Variants in PCDHGA1 observed in about 807,000 individuals in gnomAD.
PCDHGA1 encodes the protein protocadherin gamma subfamily A, 1.
A neutral mutation model predicts 58.0 loss-of-function variants in PCDHGA1; 32 were observed. The observed-to-expected ratio is 0.55, with a 90% CI of 0.42 to 0.74. The LOEUF is 0.74. Ranked by LOEUF, PCDHGA1 falls within the 30% of genes least tolerant of loss-of-function variation. The pLI, the probability that PCDHGA1 is intolerant of heterozygous loss-of-function variation, is 0.00. For synonymous variants in PCDHGA1, 498 were observed against 501.1 expected, an observed-to-expected ratio of 0.99 and a Z score of 0.08; for missense variants, 1,205 against 1,182.3, an observed-to-expected ratio of 1.02 and a Z score of -0.28.
At chr5:141,366,280 C>T (rs1764463733) in intron 1 of PCDHGA1, 1 of 1,613,692 alleles carries the variant, frequency 6.2e-7, no homozygotes, top group African/African-American at 1.3e-5. Context: ...AAGACCATGG[C>T]CAGCCCCCTC....
intron 1 of PCDHGA1, chr5:141,478,860 A>C: frequency 1.9e-5 from 25 of 1,331,544 alleles, no homozygotes; most frequent in Middle Eastern, 2.6e-4. Context: ...ACAAGATCTC[A>C]GCGATCAGAG....
intron 1 of PCDHGA1, among the ~76,000 whole-genome samples, chr5:141,358,954 AT>A (rs1761073251): frequency 6.6e-6 from 1 of 152,182 alleles, no homozygotes; most frequent in South Asian, 2.1e-4. Flanking sequence ...TTGTGCTTTC[AT>A]TTAGGTTCTG....
At chr5:141,478,423 C>A (rs1355847104) in intron 1 of PCDHGA1, 1 of 1,613,672 alleles carries the variant, frequency 6.2e-7, no homozygotes, top group Admixed American at 1.7e-5. Context: ...CCCGCCGCAG[C>A]GACCCGCTGC....
At position 141,431,398 on chromosome 5, in the gene PCDHGA1, G is replaced by A. The variant is rs1052461071; in HGVS notation, c.2422-63409G>A. ...AGGCTGCTCACCACCTGGTCCTTACGGCCTCCGACGGGGGCGACCCGGTGC... is the reference window on the plus strand; with the variant it reads ...AGGCTGCTCACCACCTGGTCCTTACAGCCTCCGACGGGGGCGACCCGGTGC... On this transcript the variant is annotated intron_variant, in intron 1 of 3. Coordinates refer to ENST00000517417, the MANE Select transcript of PCDHGA1 (RefSeq NM_018912.3). This position sits in a 1 kb window ranked among gnomAD's most constrained non-coding sequence, Gnocchi z 4.8. The A allele has an allele frequency of 6.8e-6, 11 of 1,613,768 alleles. No homozygotes were observed. Among genetic ancestry groups the A allele is most frequent in the Non-Finnish European group, 9.3e-6 (11 of 1,180,036 alleles).
At chr5:141,405,203 C>A in intron 1 of PCDHGA1, 2 of 1,613,520 alleles carry the variant, frequency 1.2e-6, no homozygotes, top group Non-Finnish European at 1.7e-6. Flanking sequence ...AGCTTTCCTA[C>A]AGACCTATTC....
chr5:141,416,458 G>A (rs1391820726), intron 1 of PCDHGA1: 1 of 152,194 alleles, frequency 6.6e-6, no homozygotes, highest in Non-Finnish European at 1.5e-5. Flanking sequence ...TGGGAAGACA[G>A]ATAAATTTGT....
chr5:141,419,075 A>G, intron 1 of PCDHGA1: 1 of 1,613,968 alleles, frequency 6.2e-7, no homozygotes, highest in Non-Finnish European at 8.5e-7. Context: ...CAAGCTAGTA[A>G]CAGATGAGGC....
At chr5:141,423,387 G>T (rs373190092) in intron 1 of PCDHGA1, 1 of 1,614,162 alleles carries the variant, frequency 6.2e-7, no homozygotes, top group Non-Finnish European at 8.5e-7. Context: ...TGTGGCGCTG[G>T]CATAAGTCAC....
intron 1 of PCDHGA1, among the ~76,000 whole-genome samples, chr5:141,470,256 A>G (rs1043528709): frequency 6.6e-6 from 1 of 152,228 alleles, no homozygotes; most frequent in African/African-American, 2.4e-5. Flanking sequence ...ACCTGTCTAA[A>G]TGGAGATACA....
chr5:141,407,735 T>C (rs2094975330), intron 1 of PCDHGA1, among the ~76,000 whole-genome samples: 1 of 152,246 alleles, frequency 6.6e-6, no homozygotes, highest in Non-Finnish European at 1.5e-5. Context: ...GTTCACTATA[T>C]ATACTCCCTA....
chr5:141,345,182 AG>A (rs752798793), intron 1 of PCDHGA1: 1 of 1,614,002 alleles, frequency 6.2e-7, no homozygotes, highest in East Asian at 2.2e-5. Flanking sequence ...GGCAGGTTGA[AG>A]TTTTTGTCCT....
chr5:141,344,359 T>G, intron 1 of PCDHGA1: 1 of 1,613,768 alleles, frequency 6.2e-7, no homozygotes, highest in Non-Finnish European at 8.5e-7. Flanking sequence ...ATTAACATTC[T>G]GGTTGAGGAT....
chr5:141,496,146 G>T (rs749790409), intron 2 of PCDHGA1, among the ~76,000 whole-genome samples: 1 of 151,170 alleles, frequency 6.6e-6, no homozygotes, highest in South Asian at 2.1e-4. Flanking sequence ...GCCTTTGATC[G>T]CAGCTCTCCA....
At chr5:141,397,699 C>A (rs1304915257) in intron 1 of PCDHGA1, among the ~76,000 whole-genome samples, 1 of 152,158 alleles carries the variant, frequency 6.6e-6, no homozygotes, top group Non-Finnish European at 1.5e-5. Flanking sequence ...AAAAACCCAA[C>A]GTGATATTTC....
At position 141,503,992 on chromosome 5, in the gene PCDHGA1, A is replaced by G. The variant is rs1419698681; in HGVS notation, c.2481-1401A>G. 2.6e-5 allele frequency among the ~76,000 whole-genome samples: 4 copies of G among 152,116 alleles called. No homozygotes were observed. In the East Asian group the frequency reaches 7.7e-4, roughly 29 times the overall value. ...GGTGCCAAACCCTTCTTCTTACCTTACAGTCACTTAACTGTCTCTGCTGGT... is the reference window on the plus strand; with the variant it reads ...GGTGCCAAACCCTTCTTCTTACCTTGCAGTCACTTAACTGTCTCTGCTGGT... On this transcript the variant is annotated intron_variant, in intron 2 of 3. Transcript: ENST00000517417.
chr5:141,416,745 C>T (rs186830862), intron 1 of PCDHGA1: 5 of 152,194 alleles, frequency 3.3e-5, no homozygotes, highest in South Asian at 2.1e-4. Flanking sequence ...AAAATAGTGA[C>T]GTATTAGGTA....
chr5:141,399,078 G>C (rs2093750242), intron 1 of PCDHGA1: 1 of 1,613,746 alleles, frequency 6.2e-7, no homozygotes, highest in African/African-American at 1.3e-5. Context: ...TTGTAGAAGG[G>C]AGGGATGGTG....
intron 1 of PCDHGA1, chr5:141,367,192 T>G (rs1764986193): frequency 6.3e-6 from 1 of 158,980 alleles, no homozygotes; most frequent in African/African-American, 2.4e-5. Flanking sequence ...GGAAATAATT[T>G]ACAGTATTTA....
At position 141,366,840 on chromosome 5, in the gene PCDHGA1, T is replaced by C. The variant is rs1006582691; in HGVS notation, c.2421+33735T>C. Reference sequence around the variant, plus strand: ...TGTCATATTCAGAATCAGCTAGTTATGTAAATAGTGGAACATTATTTGCTG... The same window carrying C: ...TGTCATATTCAGAATCAGCTAGTTACGTAAATAGTGGAACATTATTTGCTG... On this transcript the variant is annotated intron_variant, in intron 1 of 3. Coordinates refer to ENST00000517417, the MANE Select transcript of PCDHGA1 (RefSeq NM_018912.3). The C allele has an allele frequency of 1.2e-5, 18 of 1,493,738 alleles. No homozygotes were observed. The East Asian group carries it at 1.4e-4, about 11-fold the overall frequency. 92.5% of individuals were successfully genotyped at this position (1,493,738 alleles called of 1,614,324 possible). A position where few individuals can be genotyped will look rare whatever the true frequency, so the allele number is the denominator to read the frequency against.
Sources: allele counts gnomAD v4.1 joint callset (sites outside exome capture counted in the v4.1 genomes callset), GRCh38; gene constraint gnomAD v4.1.1; non-coding constraint Gnocchi (gnomAD v3.1); transcripts MANE v1.5; gene names NCBI Gene and HGNC (gene_info 2026-07-23, HGNC 2026-07-21).